FANCC: variants seen among roughly 807,000 people sequenced by gnomAD.
FANCC encodes Fanconi anemia group C protein.
Under a neutral mutation model 71.3 loss-of-function variants are expected in FANCC, and 55 were observed. The observed-to-expected ratio is 0.77, with a 90% CI of 0.62 to 0.97. The LOEUF (loss-of-function observed/expected upper bound fraction) is 0.97, where lower values mean the gene tolerates loss of function less well. FANCC is among the 50% of genes least tolerant of loss of function. The pLI is 0.00. For missense variants in FANCC, 678 were observed against 670.9 expected, an observed-to-expected ratio of 1.01 and a Z score of -0.12; for synonymous variants, 275 against 244.9, an observed-to-expected ratio of 1.12 and a Z score of -1.15.
chr9:95,188,146 TGTC>T (rs1826847884), intron 4 of FANCC, among the ~76,000 whole-genome samples: 1 of 152,222 alleles, frequency 6.6e-6, no homozygotes, highest in African/African-American at 2.4e-5. Flanking sequence ...AGGTCTTTAA[TGTC>T]TTCTGTTTCA....
Position 95,119,159 on chromosome 9 carries a change from A to C in FANCC, c.997-1769T>G, listed in dbSNP as rs535968084. On this transcript the variant is annotated intron_variant, in intron 10 of 14. Coordinates refer to ENST00000289081, the MANE Select transcript of FANCC (RefSeq NM_000136.3). ...CTTTCCTGATGGCAAATGACGCTGA[A>C]CAGTTTTCATGTGCTTACTGCCAAC... Among the ~76,000 whole-genome samples, 3 of 152,302 alleles carry C rather than the reference A, an allele frequency of 2.0e-5. No homozygotes were observed. The East Asian group carries it at 5.8e-4, about 29-fold the overall frequency.
At chr9:95,173,346 T>C (rs1168200937) in intron 4 of FANCC, among the ~76,000 whole-genome samples, 1 of 152,150 alleles carries the variant, frequency 6.6e-6, no homozygotes, top group East Asian at 1.9e-4. Flanking sequence ...GGGGTGTGTC[T>C]GCCTAGAGGT....
chr9:95,113,653 C>T (rs2072147094), intron 12 of FANCC: 1 of 149,820 alleles, frequency 6.7e-6, no homozygotes, highest in Non-Finnish European at 1.5e-5. Context: ...GAGACGGAGT[C>T]TTACTGTCAC....
chr9:95,178,832 T>C (rs1826173016), intron 4 of FANCC, among the ~76,000 whole-genome samples: 1 of 152,186 alleles, frequency 6.6e-6, no homozygotes, highest in African/African-American at 2.4e-5. Context: ...AATATAATTT[T>C]AATAGGAAGC....
chr9:95,134,478 C>A (rs1361116703), intron 8 of FANCC, among the ~76,000 whole-genome samples: 1 of 152,156 alleles, frequency 6.6e-6, no homozygotes, highest in Non-Finnish European at 1.5e-5. Context: ...CTCACTTTCT[C>A]CACTTGCAGG....
intron 4 of FANCC, among the ~76,000 whole-genome samples, chr9:95,172,978 T>C (rs1189853064): frequency 2.6e-5 from 4 of 152,202 alleles, no homozygotes; most frequent in Non-Finnish European, 5.9e-5. Context: ...ACAGATTCTA[T>C]ATTATCAAAT....
intron 2 of FANCC, among the ~76,000 whole-genome samples, chr9:95,248,249 C>A (rs949923065): frequency 5.3e-5 from 8 of 152,190 alleles, no homozygotes; most frequent in Non-Finnish European, 1.2e-4. Context: ...GGTAAGCCGA[C>A]ACAATGGGCA....
intron 6 of FANCC, among the ~76,000 whole-genome samples, chr9:95,168,443 T>G (rs1825448043): frequency 6.6e-6 from 1 of 152,242 alleles, no homozygotes; most frequent in South Asian, 2.1e-4. Context: ...TCTGCAGTTT[T>G]ACTTTTTGTA....
chr9:95,311,511 A>G (rs576854327), intron 1 of FANCC, among the ~76,000 whole-genome samples: 31 of 152,210 alleles, frequency 2.0e-4, no homozygotes, highest in Non-Finnish European at 4.0e-4. Context: ...GAACTGAACC[A>G]GGTAAAGAAG....
intron 4 of FANCC, among the ~76,000 whole-genome samples, chr9:95,204,954 G>T (rs2135829349): frequency 6.6e-6 from 1 of 152,300 alleles, no homozygotes; most frequent in East Asian, 1.9e-4. Flanking sequence ...AGCAATTTTT[G>T]TCTTAAATTA....
Position 95,117,509 on chromosome 9 carries a change from C to T in FANCC, c.997-119G>A. On this transcript the variant is annotated intron_variant, in intron 10 of 14. Transcript: ENST00000289081. ...CCCACCAGTACTAACATGGTCAGAA[C>T]ACTTTCTTAAACATTTATTTTTTGA... is the stretch of plus-strand genomic sequence containing the variant. The T allele has an allele frequency of 4.0e-6, 3 of 749,552 alleles. No individual in the cohort carries two copies. In the South Asian group the frequency reaches 4.5e-5, roughly 11 times the overall value. The allele number at this position is 749,552 out of a possible 1,614,324, so 46.4% of individuals were successfully genotyped here. A position where few individuals can be genotyped will look rare whatever the true frequency, so the allele number is the denominator to read the frequency against.
intron 4 of FANCC, among the ~76,000 whole-genome samples, chr9:95,214,977 T>A (rs561321432): frequency 2.0e-5 from 3 of 152,130 alleles, no homozygotes; most frequent in Admixed American, 6.6e-5. Context: ...TAAAAATGGT[T>A]AAGATAATAA....
At chr9:95,145,189 C>T (rs760569338) in intron 7 of FANCC, 1 of 152,112 alleles carries the variant, frequency 6.6e-6, no homozygotes, top group Non-Finnish European at 1.5e-5. Flanking sequence ...GTAAGAACAA[C>T]GGTGGTTTTG....
chr9:95,139,908 GA>G (rs932884335), intron 7 of FANCC, among the ~76,000 whole-genome samples: 10 of 147,922 alleles, frequency 6.8e-5, no homozygotes, highest in South Asian at 6.4e-4. Flanking sequence ...AAGTAAAAAA[GA>G]AAAAAATGTT....
chr9:95,104,958 T>C (rs2071328318), intron 14 of FANCC, among the ~76,000 whole-genome samples: 1 of 152,238 alleles, frequency 6.6e-6, no homozygotes, highest in African/African-American at 2.4e-5. Context: ...CTCTCGCGTC[T>C]GGCTTATTTC....
chr9:95,192,533 G>A lies in FANCC; in HGVS notation c.346-20386C>T, dbSNP rs146135001. ...GATATAACATTTTTCACAGGGAGCT[G>A]TTCAACGCAATTACGAATGAACAAA... is the stretch of plus-strand genomic sequence containing the variant. On this transcript the variant is annotated intron_variant, in intron 4 of 14. Transcript: ENST00000289081. Among the ~76,000 whole-genome samples, 322 of 152,264 alleles carry A rather than the reference G, an allele frequency of 2.1e-3. 2 individuals carry two copies. The highest frequency in any genetic ancestry group is 0.014 in the Middle Eastern group (4 of 294).
chr9:95,302,253 G>A (rs1323217682), intron 1 of FANCC, among the ~76,000 whole-genome samples: 1 of 152,088 alleles, frequency 6.6e-6, no homozygotes, highest in East Asian at 1.9e-4. Flanking sequence ...GGGGTCACTG[G>A]CCAACCCTAG....
chr9:95,231,394 G>A (rs1830000729), intron 4 of FANCC, among the ~76,000 whole-genome samples: 1 of 152,208 alleles, frequency 6.6e-6, no homozygotes, highest in African/African-American at 2.4e-5. Flanking sequence ...CCCACTGACT[G>A]AGGTGGAGCC....
intron 4 of FANCC, among the ~76,000 whole-genome samples, chr9:95,225,649 G>A (rs1829568836): frequency 6.6e-6 from 1 of 152,184 alleles, no homozygotes; most frequent in Non-Finnish European, 1.5e-5. Context: ...ATTGGCAATA[G>A]ATGTCTTGAT....
Sources: allele counts gnomAD v4.1 joint callset (sites outside exome capture counted in the v4.1 genomes callset), GRCh38; gene constraint gnomAD v4.1.1; transcripts MANE v1.5; gene names NCBI Gene and HGNC (gene_info 2026-07-23, HGNC 2026-07-21).